BDP1: variants seen among roughly 807,000 people sequenced by gnomAD.
BDP1 encodes transcription factor TFIIIB component B'' homolog.
In BDP1, 169 loss-of-function variants were observed where a neutral mutation model predicts 266.6. The ratio of observed to expected loss-of-function variants is 0.63; its 90% CI spans 0.56 to 0.72. The LOEUF (loss-of-function observed/expected upper bound fraction) is 0.72, where lower values mean the gene tolerates loss of function less well. Ranked by LOEUF, BDP1 falls within the 30% of genes least tolerant of loss-of-function variation. The pLI is 0.00. For missense variants in BDP1, 3,015 were observed against 3,053.8 expected, an observed-to-expected ratio of 0.99 and a Z score of 0.30; for synonymous variants, 1,090 against 1,022.4, an observed-to-expected ratio of 1.07 and a Z score of -1.26.
rs888736554 is a variant in BDP1, at chr5:71,496,545, C to G, written c.1800-725C>G. On this transcript the variant is annotated intron_variant, in intron 12 of 38. Coordinates refer to ENST00000358731, the MANE Select transcript of BDP1 (RefSeq NM_018429.3). ...CTCAACCTCCCAGGCTTAGGTGATC[C>G]TCCCACCTTAGTCTCCCAGGTAGCT... 4.0e-5 allele frequency among the ~76,000 whole-genome samples: 6 copies of G among 151,466 alleles called. No individual in the cohort carries two copies. In the East Asian group the frequency reaches 1.2e-3, roughly 30 times the overall value.
chr5:71,504,732 G>A lies in BDP1; in HGVS notation c.2353G>A (p.Val785Ile). ...AAATGTGCAGCCAGATGAGCCCAAG[G>A]TTCTTAATGAATGTCTAAGGTAAGC... ...FQNVQPDEPK[V>I]LNECLSVQEN... Residue 785 changes from valine (V) to isoleucine (I), a missense_variant, in exon 16 of 39, where the codon GTT becomes ATT. This residue lies in a region of BDP1 where 2,383 missense variants were observed against 2,404.9 expected (regional missense o/e 0.99). Transcript: ENST00000358731. 2 of 1,613,432 alleles carry A rather than the reference G, an allele frequency of 1.2e-6. No homozygotes were observed. The highest frequency in any genetic ancestry group is 2.2e-5 in the East Asian group (1 of 44,778).
At chr5:71,540,548 G>A (rs1561769483) in intron 28 of BDP1, among the ~76,000 whole-genome samples, 1 of 152,052 alleles carries the variant, frequency 6.6e-6, no homozygotes, top group South Asian at 2.1e-4. Context: ...GGCTGGTCTC[G>A]AACTGCTGAC....
At position 71,544,430 on chromosome 5, in the gene BDP1, T is replaced by C. The variant is rs1449100630; in HGVS notation, c.6486T>C (p.Asn2162=). 6.2e-7 allele frequency: 1 copy of C among 1,613,974 alleles called. No homozygotes were observed. ...KNLGPVTTAE[N]KDQSKLACVH... ...TCGGACCAGTTACAACAGCAGAGAA[T>C]AAGGATCAGAGCAAATTGGCATGTG... Residue 2162 remains asparagine (N), a synonymous_variant, in exon 31 of 39, where the codon AAT becomes AAC. Transcript: ENST00000358731.
rs1580227631 is a variant in BDP1 at position 71,560,328 on chromosome 5, G to A, written c.7496+91G>A. 2.2e-6 allele frequency: 3 copies of A among 1,343,254 alleles called. No homozygotes were observed. In the East Asian group the frequency reaches 7.2e-5, roughly 32 times the overall value. 83.2% of individuals were successfully genotyped at this position (1,343,254 alleles called of 1,614,324 possible). A position where few individuals can be genotyped will look rare whatever the true frequency, so the allele number is the denominator to read the frequency against. Reference sequence around the variant, plus strand: ...CAGATTAGATCCAGTACTAAGGATGGTGTTTAATAAACATATTCCTCCATC... The same window carrying A: ...CAGATTAGATCCAGTACTAAGGATGATGTTTAATAAACATATTCCTCCATC... On this transcript the variant is annotated intron_variant, in intron 37 of 38. Coordinates refer to ENST00000358731, the MANE Select transcript of BDP1 (RefSeq NM_018429.3).
chr5:71,458,675 C>T lies in BDP1; in HGVS notation c.309C>T (p.Ser103=), dbSNP rs778882512. 37 of 1,613,810 alleles carry T rather than the reference C, an allele frequency of 2.3e-5. No homozygotes were observed. The highest frequency in any genetic ancestry group is 3.0e-5 in the Non-Finnish European group (35 of 1,179,720). Residue 103 remains serine (S), a synonymous_variant, in exon 2 of 39, where the codon AGC becomes AGT. Coordinates refer to ENST00000358731, the MANE Select transcript of BDP1 (RefSeq NM_018429.3). Reference sequence around the variant, plus strand: ...GAAAGCGAATATCAAGTACTTCTAGCCTGGTTAAGTCTAGTGTCAGTGTTC... The same window carrying T: ...GAAAGCGAATATCAAGTACTTCTAGTCTGGTTAAGTCTAGTGTCAGTGTTC... ...QRRKRISSTS[S]LVKSSVSVPS... is the part of the protein sequence containing the mutation.
chr5:71,542,345 C>T, intron 30 of BDP1, 80 bp downstream of exon 30: 2 of 1,289,562 alleles, frequency 1.6e-6, no homozygotes, highest in Non-Finnish European at 1.1e-6. Context: ...AATATTTGGT[C>T]ATTAAATTGT....
chr5:71,499,035 T>G (rs182906667), intron 13 of BDP1, among the ~76,000 whole-genome samples: 2 of 152,306 alleles, frequency 1.3e-5, no homozygotes, highest in Admixed American at 1.3e-4. Flanking sequence ...AATAACTTTA[T>G]CTATGTATGC....
At chr5:71,505,756 A>T (rs1316176232) in intron 16 of BDP1, among the ~76,000 whole-genome samples, 2 of 152,132 alleles carry the variant, frequency 1.3e-5, no homozygotes, top group African/African-American at 4.8e-5. Context: ...AGCTACATGG[A>T]AGGCTGAAGG....
chr5:71,516,739 G>A (rs893182396), intron 21 of BDP1, among the ~76,000 whole-genome samples: 2 of 152,098 alleles, frequency 1.3e-5, no homozygotes, highest in Admixed American at 6.6e-5. Context: ...TTGAGTAACA[G>A]TTTAATCTCT....
chr5:71,575,849 T>C, the BDP1 span, among the ~76,000 whole-genome samples: 76 of 152,362 alleles, frequency 5.0e-4, no homozygotes, highest in African/African-American at 1.8e-3. Flanking sequence ...ACATCATTCA[T>C]TTTATGGCTG....
At chr5:71,506,576 AG>A (rs751392180) in intron 16 of BDP1, among the ~76,000 whole-genome samples, 4 of 152,118 alleles carry the variant, frequency 2.6e-5, no homozygotes, top group Admixed American at 6.5e-5. Flanking sequence ...CAGGAACTCA[AG>A]ACAAGCCTGG....
intron 12 of BDP1, 62 bp downstream of exon 12, chr5:71,495,470 A>G: frequency 8.5e-7 from 1 of 1,171,588 alleles, no homozygotes; most frequent in Non-Finnish European, 1.2e-6. Context: ...AAATGATAAT[A>G]ATGTTGCTTC....
intron 10 of BDP1, 92 bp from the exon 11 acceptor site, chr5:71,490,892 A>G (rs890003473): frequency 8.0e-7 from 1 of 1,257,382 alleles, no homozygotes; most frequent in Non-Finnish European, 1.1e-6. Context: ...AAGGTTTTGT[A>G]GGAAAAGAGT....
Position 71,463,829 on chromosome 5 carries a change from TAA to T in BDP1, c.600-213_600-212del, listed in dbSNP as rs5868597. Among the ~76,000 whole-genome samples, 64,559 of 144,352 alleles carry T rather than the reference TAA, an allele frequency of 0.45. 14,360 individuals carry two copies. Among genetic ancestry groups the T allele is most frequent in the South Asian group, 0.55 (2,478 of 4,508 alleles). The allele number at this position is 144,352 out of a possible 152,430, so 94.7% of individuals were successfully genotyped here. ...ACACAGCAAGACCCTGTTGTTGTAT[TAA>T]AAAAAAAAAAAAAAAGTATTCTTTA... On this transcript the variant is annotated intron_variant, in intron 3 of 38. Transcript: ENST00000358731.
chr5:71,537,149 CAAAAAAAAAAAAA>C (rs70992979), intron 26 of BDP1, among the ~76,000 whole-genome samples: 1 of 82,448 alleles, frequency 1.2e-5, no homozygotes, highest in Non-Finnish European at 2.2e-5. Flanking sequence ...ACCAAAAAAC[CAAAAAAAAAAAAA>C]AAAAAAAAAA....
intron 35 of BDP1, among the ~76,000 whole-genome samples, chr5:71,553,905 C>T (rs986694495): frequency 6.6e-6 from 1 of 152,170 alleles, no homozygotes; most frequent in Non-Finnish European, 1.5e-5. Context: ...GTGAAACATT[C>T]CCTTGAAAAA....
chr5:71,465,992 G>C, intron 4 of BDP1, 104 bp from the exon 5 acceptor site: 1 of 1,224,948 alleles, frequency 8.2e-7, no homozygotes, highest in Non-Finnish European at 1.1e-6. Context: ...GGGAAAGTTG[G>C]AAATAGCTAG....
chr5:71,525,642 C>G (rs113738570), intron 25 of BDP1, among the ~76,000 whole-genome samples: 1 of 124,482 alleles, frequency 8.0e-6, no homozygotes, highest in African/African-American at 2.9e-5. Context: ...GGGGGGCTGA[C>G]CCCCCCACCT....
At chr5:71,473,875 T>A (rs185007610) in intron 7 of BDP1, among the ~76,000 whole-genome samples, 1 of 144,016 alleles carries the variant, frequency 6.9e-6, no homozygotes, top group Non-Finnish European at 1.5e-5. Flanking sequence ...TTCCCCTTCC[T>A]GTGTCCATGT....
Sources: gnomAD v4.1 joint callset for allele counts (sites outside exome capture counted in the v4.1 genomes callset) on GRCh38, gnomAD v4.1.1 for gene constraint, gnomAD v4.1.1 regional missense constraint, MANE v1.5 for transcripts, NCBI Gene and HGNC (gene_info 2026-07-23, HGNC 2026-07-21) for gene names.